TGFBR1: variants seen among roughly 807,000 people sequenced by gnomAD.
TGFBR1 encodes TGF-beta receptor type-1.
Under a neutral mutation model 55.1 loss-of-function variants are expected in TGFBR1, and 20 were observed. The ratio of observed to expected loss-of-function variants is 0.36; its 90% CI spans 0.26 to 0.53. The LOEUF is 0.53. TGFBR1 is among the 20% of genes least tolerant of loss of function. The pLI is 0.91. For missense variants in TGFBR1, 385 were observed against 617.6 expected, an observed-to-expected ratio of 0.62 and a Z score of 3.99; for synonymous variants, 220 against 214.8, an observed-to-expected ratio of 1.02 and a Z score of -0.21.
intron 2 of TGFBR1, among the ~76,000 whole-genome samples, chr9:99,132,170 G>A (rs987274427): frequency 6.6e-6 from 1 of 152,112 alleles, no homozygotes; most frequent in Non-Finnish European, 1.5e-5. Context: ...TTAAGGAGAT[G>A]TTAATAGGTA....
chr9:99,138,541 C>G (rs1215704709), intron 4 of TGFBR1, among the ~76,000 whole-genome samples: 1 of 152,168 alleles, frequency 6.6e-6, no homozygotes, highest in Non-Finnish European at 1.5e-5. Flanking sequence ...TGTCAGTGTT[C>G]TGAGTTGCCA....
chr9:99,135,594 A>G (rs1050585260), intron 3 of TGFBR1, among the ~76,000 whole-genome samples: 1 of 152,232 alleles, frequency 6.6e-6, no homozygotes, highest in Non-Finnish European at 1.5e-5. Context: ...GTGAGTGTGC[A>G]CATGTGCATA....
At chr9:99,110,853 A>G (rs1432854473) in intron 1 of TGFBR1, among the ~76,000 whole-genome samples, 1 of 152,250 alleles carries the variant, frequency 6.6e-6, no homozygotes, top group Admixed American at 6.5e-5. Flanking sequence ...TGGAGCCTTC[A>G]GTTAAGCACT....
chr9:99,132,141 A>G (rs1827249414), intron 2 of TGFBR1, among the ~76,000 whole-genome samples: 1 of 152,092 alleles, frequency 6.6e-6, no homozygotes, highest in Admixed American at 6.5e-5. Context: ...CAAGCCAAAC[A>G]TTAAAAAAAA....
At chr9:99,113,513 T>A (rs1826644340) in intron 1 of TGFBR1, among the ~76,000 whole-genome samples, 1 of 152,188 alleles carries the variant, frequency 6.6e-6, no homozygotes, top group African/African-American at 2.4e-5. Context: ...AAATATTTGT[T>A]TATAGGAGTA....
chr9:99,148,396 A>T (rs1430920345), intron 8 of TGFBR1, among the ~76,000 whole-genome samples: 1 of 152,246 alleles, frequency 6.6e-6, no homozygotes, highest in Non-Finnish European at 1.5e-5. Context: ...AAAGATTCGT[A>T]AGATGAATTT....
At chr9:99,113,256 G>C (rs1191837279) in intron 1 of TGFBR1, among the ~76,000 whole-genome samples, 1 of 152,224 alleles carries the variant, frequency 6.6e-6, no homozygotes, top group Non-Finnish European at 1.5e-5. Context: ...GAAGTTTCCT[G>C]CTTGCGGCCT....
intron 8 of TGFBR1, among the ~76,000 whole-genome samples, chr9:99,148,976 T>C (rs1249177119): frequency 1.3e-5 from 2 of 152,240 alleles, no homozygotes; most frequent in Non-Finnish European, 2.9e-5. Flanking sequence ...TGAGTCACTC[T>C]TTGTCCACCT....
At chr9:99,115,817 ATAAT>A (rs1347708553) in intron 1 of TGFBR1, among the ~76,000 whole-genome samples, 1 of 152,122 alleles carries the variant, frequency 6.6e-6, no homozygotes, top group Non-Finnish European at 1.5e-5. Flanking sequence ...ATAATTATAT[ATAAT>A]TATTTTATCA....
intron 4 of TGFBR1, among the ~76,000 whole-genome samples, 193 bp downstream of exon 4, chr9:99,138,282 A>AT (rs1202393104): frequency 2.0e-5 from 3 of 152,214 alleles, no homozygotes; most frequent in Admixed American, 6.5e-5. Flanking sequence ...TTGACTCTTG[A>AT]TAGCATTCCT....
intron 1 of TGFBR1, among the ~76,000 whole-genome samples, chr9:99,108,175 A>G (rs933066337): frequency 6.6e-6 from 1 of 152,224 alleles, no homozygotes; most frequent in Non-Finnish European, 1.5e-5. Context: ...CAGTTTATGC[A>G]ATATTAACTT....
At chr9:99,120,064 T>G (rs1377431599) in intron 1 of TGFBR1, among the ~76,000 whole-genome samples, 1 of 152,232 alleles carries the variant, frequency 6.6e-6, no homozygotes, top group Non-Finnish European at 1.5e-5. Context: ...ATTCTATGTA[T>G]GTTATTTCAT....
chr9:99,141,465 A>G (rs1324556374), intron 4 of TGFBR1, among the ~76,000 whole-genome samples: 1 of 152,216 alleles, frequency 6.6e-6, no homozygotes, highest in Non-Finnish European at 1.5e-5. Flanking sequence ...TACAACCAGC[A>G]GGGAAAGAAA....
chr9:99,138,199 T>C (rs1827502200), intron 4 of TGFBR1, 110 bp downstream of exon 4: 2 of 952,542 alleles, frequency 2.1e-6, no homozygotes, highest in South Asian at 1.4e-5. Context: ...ATGTCTCTCA[T>C]GTAGATTAGA....
intron 1 of TGFBR1, among the ~76,000 whole-genome samples, chr9:99,120,365 C>T (rs1327388887): frequency 6.6e-6 from 1 of 152,176 alleles, no homozygotes; most frequent in Non-Finnish European, 1.5e-5. Context: ...TGTTTTAGCA[C>T]TCACCTTTAG....
chr9:99,118,643 C>CTTTTTTTTTTTTTTT (rs749441442), intron 1 of TGFBR1, among the ~76,000 whole-genome samples: 1 of 129,736 alleles, frequency 7.7e-6, no homozygotes, highest in Non-Finnish European at 1.7e-5. Context: ...TGTTTTCTTT[C>CTTTTTTTTTTTTTTT]TTTTTTTTTT....
chr9:99,140,692 G>A (rs1415864009), intron 4 of TGFBR1, among the ~76,000 whole-genome samples: 1 of 152,076 alleles, frequency 6.6e-6, no homozygotes, highest in Non-Finnish European at 1.5e-5. Context: ...TTCATATGAA[G>A]GTACTGATTT....
intron 4 of TGFBR1, among the ~76,000 whole-genome samples, chr9:99,141,400 A>G (rs1428810621): frequency 6.6e-6 from 1 of 152,218 alleles, no homozygotes; most frequent in East Asian, 1.9e-4. Context: ...TTCTTCAACC[A>G]AATACCTTCA....
rs1827964230 is a variant in TGFBR1 at position 99,150,969 on chromosome 9, C to T, written c.*1664C>T. ...AGAAAAAACTATCATAGCTCTGAGG[C>T]AAGACTTCGACTTTATAGTGCTATC... On this transcript the variant is annotated 3_prime_UTR_variant, in exon 9 of 9. Coordinates refer to ENST00000374994, the MANE Select transcript of TGFBR1 (RefSeq NM_004612.4). 1 of 226,840 alleles carries T rather than the reference C, an allele frequency of 4.4e-6. No homozygotes were observed. Among genetic ancestry groups the T allele is most frequent in the African/African-American group, 2.2e-5 (1 of 45,092 alleles). The allele number at this position is 226,840 out of a possible 1,614,324, so 14.1% of individuals were successfully genotyped here.
Sources: allele counts gnomAD v4.1 joint callset (sites outside exome capture counted in the v4.1 genomes callset), GRCh38; gene constraint gnomAD v4.1.1; transcripts MANE v1.5; gene names NCBI Gene and HGNC (gene_info 2026-07-23, HGNC 2026-07-21).